Variants in ANO10 observed in about 807,000 individuals in gnomAD.
ANO10 encodes anoctamin-10.
In ANO10, 77 loss-of-function variants were observed where a neutral mutation model predicts 74.7. The ratio of observed to expected loss-of-function variants is 1.03; its 90% confidence interval spans 0.86 to 1.25. ANO10 has a LOEUF of 1.25. ANO10 is among the 50% of genes most tolerant of loss of function. The probability of loss-of-function intolerance (pLI) is 0.00; values close to 1 mark genes in which losing one functional copy is unlikely to be tolerated. For synonymous variants in ANO10, 279 were observed against 284.9 expected (o/e 0.98, Z 0.21); for missense variants, 721 against 778.1 (o/e 0.93, Z 0.87).
At chr3:43,472,445 T>C (rs1469315560) in intron 11 of ANO10, 1 of 152,126 alleles carries the variant, frequency 6.6e-6, no homozygotes, top group African/African-American at 2.4e-5. Flanking sequence ...GAAAGGGTGA[T>C]AGGACTGTTC....
At position 43,567,096 on chromosome 3, in the gene ANO10, A is replaced by T. The variant is rs145268006; in HGVS notation, c.1219-1369T>A. Among the ~76,000 whole-genome samples the T allele has an allele frequency of 7.6e-4, 116 of 152,316 alleles. 2 individuals are homozygous for T. The East Asian group carries it at 0.019, about 25-fold the overall frequency. ...GAAAGGGTATCGGCAATGGAAGATG[A>T]AATGAATGAAATGAAGTGAGAAGGG... On this transcript the variant is annotated intron_variant, in intron 7 of 12. Coordinates refer to ENST00000292246, the MANE Select transcript of ANO10 (RefSeq NM_018075.5).
At chr3:43,431,064 CTAA>C (rs2092972296) in intron 12 of ANO10, among the ~76,000 whole-genome samples, 2 of 150,186 alleles carry the variant, frequency 1.3e-5, no homozygotes, top group South Asian at 4.2e-4. Context: ...ATATAATCCT[CTAA>C]TTTTCTTTTC....
At chr3:43,639,975 C>T (rs373851406) in intron 1 of ANO10, among the ~76,000 whole-genome samples, 11 of 152,138 alleles carry the variant, frequency 7.2e-5, no homozygotes, top group African/African-American at 2.7e-4. Flanking sequence ...CCTAAGCAAG[C>T]CTAGTCCTGA....
Position 43,637,030 on chromosome 3 carries a change from C to T in ANO10, c.-11-31167G>A, listed in dbSNP as rs186944984. On this transcript the variant is annotated intron_variant, in intron 1 of 3. Transcript: ENST00000413397. ...AATAAATAAAAGTTAGCCAGGCAGACGTGGTGGTGCATGCCTGCAGTCCCC... is the reference window on the plus strand; with the variant it reads ...AATAAATAAAAGTTAGCCAGGCAGATGTGGTGGTGCATGCCTGCAGTCCCC... 9.2e-5 allele frequency among the ~76,000 whole-genome samples: 14 copies of T among 152,174 alleles called. No homozygotes were observed. In the East Asian group the frequency reaches 2.1e-3, roughly 23 times the overall value.
chr3:43,668,586 C>T (rs2084019928), intron 1 of ANO10, among the ~76,000 whole-genome samples: 1 of 151,930 alleles, frequency 6.6e-6, no homozygotes. Flanking sequence ...TTTGATCCAT[C>T]TTGAGTTGAT....
At chr3:43,543,576 G>T (rs1446680425) in intron 11 of ANO10, among the ~76,000 whole-genome samples, 1 of 152,116 alleles carries the variant, frequency 6.6e-6, no homozygotes, top group Non-Finnish European at 1.5e-5. Flanking sequence ...TTTTAGTAGA[G>T]ACGGGGTTTC....
At chr3:43,449,166 C>T (rs1262705034) in intron 11 of ANO10, among the ~76,000 whole-genome samples, 1 of 152,132 alleles carries the variant, frequency 6.6e-6, no homozygotes, top group Non-Finnish European at 1.5e-5. Flanking sequence ...CGTGAGCCAC[C>T]ATGCCTGGCT....
At chr3:43,515,518 G>A (rs766681639) in intron 11 of ANO10, among the ~76,000 whole-genome samples, 2 of 152,116 alleles carry the variant, frequency 1.3e-5, no homozygotes, top group Non-Finnish European at 2.9e-5. Context: ...CTCCATAACT[G>A]CATGAACCAA....
chr3:43,515,481 A>G (rs763339867), intron 11 of ANO10, among the ~76,000 whole-genome samples: 11 of 152,136 alleles, frequency 7.2e-5, no homozygotes, highest in Non-Finnish European at 1.5e-4. Flanking sequence ...CAGCTTGTCA[A>G]GTGTGGATCT....
intron 1 of ANO10, among the ~76,000 whole-genome samples, chr3:43,671,095 ATATTAAC>A (rs1199939525): frequency 1.3e-5 from 2 of 152,230 alleles, no homozygotes; most frequent in Non-Finnish European, 2.9e-5. Flanking sequence ...GATGGAAATA[ATATTAAC>A]TATTAAGAAT....
intron 1 of ANO10, chr3:43,690,281 C>G (rs899559221): frequency 6.6e-6 from 1 of 152,280 alleles, no homozygotes; most frequent in Non-Finnish European, 1.5e-5. Context: ...TCTCCAACTC[C>G]CGACCTCAGA....
chr3:43,649,303 ATAAT>A (rs1310292872), intron 1 of ANO10, among the ~76,000 whole-genome samples: 1 of 152,234 alleles, frequency 6.6e-6, no homozygotes, highest in Non-Finnish European at 1.5e-5. Context: ...ATTTACTGTG[ATAAT>A]TAAATAAGAA....
chr3:43,595,655 A>C (rs1487712471), intron 4 of ANO10, among the ~76,000 whole-genome samples: 1 of 152,224 alleles, frequency 6.6e-6, no homozygotes, highest in East Asian at 1.9e-4. Flanking sequence ...AGCCAATATC[A>C]TACTGAATGG....
intron 12 of ANO10, among the ~76,000 whole-genome samples, chr3:43,384,596 C>G (rs1473749280): frequency 6.6e-6 from 1 of 152,122 alleles, no homozygotes; most frequent in African/African-American, 2.4e-5. Flanking sequence ...TCAAATAGAA[C>G]ACAGAATCCA....
At chr3:43,423,892 C>A (rs2092858100) in intron 12 of ANO10, among the ~76,000 whole-genome samples, 1 of 152,140 alleles carries the variant, frequency 6.6e-6, no homozygotes, top group African/African-American at 2.4e-5. Flanking sequence ...TATTACAGCC[C>A]AGCTGTGTTA....
chr3:43,434,857 A>C (rs1229991965), intron 11 of ANO10, among the ~76,000 whole-genome samples: 3 of 152,200 alleles, frequency 2.0e-5, no homozygotes, highest in Non-Finnish European at 4.4e-5. Context: ...TATTGATTAG[A>C]CAATATTAAT....
chr3:43,661,821 A>G (rs1204419390), intron 1 of ANO10, among the ~76,000 whole-genome samples: 1 of 152,254 alleles, frequency 6.6e-6, no homozygotes, highest in Non-Finnish European at 1.5e-5. Flanking sequence ...GCCATTACAT[A>G]AAGGCAAAGG....
chr3:43,591,385 T>G (rs1241715107), intron 4 of ANO10, among the ~76,000 whole-genome samples: 1 of 152,164 alleles, frequency 6.6e-6, no homozygotes, highest in Non-Finnish European at 1.5e-5. Flanking sequence ...GTTGCTGGGT[T>G]CCACGGTTCT....
intron 12 of ANO10, among the ~76,000 whole-genome samples, chr3:43,376,776 T>TG (rs1416941998): frequency 6.6e-6 from 1 of 152,240 alleles, no homozygotes; most frequent in African/African-American, 2.4e-5. Context: ...GACTTTGGCA[T>TG]GGCTCCTTTC....
Sources: gnomAD v4.1 joint callset for allele counts (sites outside exome capture counted in the v4.1 genomes callset) on GRCh38, gnomAD v4.1.1 for gene constraint, MANE v1.5 for transcripts, NCBI Gene and HGNC (gene_info 2026-07-23, HGNC 2026-07-21) for gene names.